Variants in FAT3 observed in about 807,000 individuals in gnomAD.
The protein encoded by FAT3 is protocadherin Fat 3.
In FAT3, 95 loss-of-function variants were observed where a neutral mutation model predicts 310.2. The observed-to-expected ratio is 0.31, with a 90% CI of 0.26 to 0.36. The LOEUF (loss-of-function observed/expected upper bound fraction) is 0.36. Among genes scored for constraint, FAT3 ranks in the 10% least tolerant of loss-of-function variants. The pLI is 1.00. For synonymous variants in FAT3, 2,314 were observed against 2,192.9 expected (o/e 1.06, Z -1.54); for missense variants, 5,408 against 5,715.6 (o/e 0.95, Z 1.74).
intron 3 of FAT3, among the ~76,000 whole-genome samples, chr11:92,623,362 T>C (rs1258040705): frequency 2.0e-5 from 3 of 152,196 alleles, no homozygotes; most frequent in Non-Finnish European, 4.4e-5. Context: ...TCTAATATCT[T>C]AATGTTCAAC....
intron 2 of FAT3, among the ~76,000 whole-genome samples, chr11:92,432,188 T>C (rs1950801622): frequency 1.3e-5 from 2 of 152,214 alleles, no homozygotes; most frequent in African/African-American, 4.8e-5. Context: ...CAGTGGTTTG[T>C]AGTTCTCCTT....
chr11:92,681,767 A>C (rs1425497835), intron 3 of FAT3, among the ~76,000 whole-genome samples: 1 of 152,174 alleles, frequency 6.6e-6, no homozygotes, highest in African/African-American at 2.4e-5. Context: ...TTGCTCCTAT[A>C]AGAGCTCAAC....
At position 92,272,573 on chromosome 11, in the gene FAT3, T is replaced by C. The variant is rs552842980; in HGVS notation, c.-18+47399T>C. ...GGCCAGTAGAAAGAAACAAGCAAAA[T>C]GTGATGGATATTTAAAGGGGGGAAA... is the stretch of plus-strand genomic sequence containing the variant. On this transcript the variant is annotated intron_variant, in intron 1 of 27. Coordinates refer to ENST00000525166, the MANE Select transcript of FAT3 (RefSeq NM_001367949.2). Among the ~76,000 whole-genome samples, 4 of 151,962 alleles carry C rather than the reference T, an allele frequency of 2.6e-5. No homozygotes were observed. In the South Asian group the frequency reaches 8.3e-4, roughly 32 times the overall value.
At chr11:92,742,639 A>G (rs572991912) in intron 4 of FAT3, among the ~76,000 whole-genome samples, 2 of 152,282 alleles carry the variant, frequency 1.3e-5, no homozygotes, top group East Asian at 3.9e-4. Context: ...AGGATAAGCT[A>G]TGCCTTCTTC....
chr11:92,324,016 CTT>C (rs1301043994), intron 1 of FAT3, among the ~76,000 whole-genome samples: 1 of 152,186 alleles, frequency 6.6e-6, no homozygotes, highest in Admixed American at 6.5e-5. Flanking sequence ...TAGCTTCGGA[CTT>C]TTCTTATGCA....
chr11:92,582,818 A>G (rs1012345883), intron 3 of FAT3, among the ~76,000 whole-genome samples: 8 of 152,036 alleles, frequency 5.3e-5, no homozygotes, highest in African/African-American at 1.9e-4. Context: ...GTCCTATCCA[A>G]TAGTTGGAAA....
intron 4 of FAT3, among the ~76,000 whole-genome samples, chr11:92,742,272 A>C (rs555696055): frequency 6.6e-6 from 1 of 152,230 alleles, no homozygotes; most frequent in African/African-American, 2.4e-5. Context: ...AAGGCATCAT[A>C]AAGGGACAAA....
chr11:92,446,587 A>G (rs986765889), intron 2 of FAT3, among the ~76,000 whole-genome samples: 1 of 152,132 alleles, frequency 6.6e-6, no homozygotes, highest in African/African-American at 2.4e-5. Flanking sequence ...TGAAATAAAC[A>G]TTTTTCAAGG....
intron 6 of FAT3, among the ~76,000 whole-genome samples, chr11:92,765,490 G>A (rs1264376351): frequency 1.3e-5 from 2 of 149,590 alleles, no homozygotes; most frequent in African/African-American, 2.5e-5. Flanking sequence ...TTCTGCTCCC[G>A]ACTGCCCTGC....
rs58384100 is a variant in FAT3, at chr11:92,492,241, TTCCATCCATCCATCCA to T, written c.3293-32359_3293-32344del. Reference sequence around the variant, plus strand: ...TGCTATTCATCAACTATATATATATTTCCATCCATCCATCCATCCATCCATCCATCCATCCATCCAT... The same window carrying T: ...TGCTATTCATCAACTATATATATATTTCCATCCATCCATCCATCCATCCAT... On this transcript the variant is annotated intron_variant, in intron 2 of 27. Coordinates refer to ENST00000525166, the MANE Select transcript of FAT3 (RefSeq NM_001367949.2). 1.6e-3 allele frequency among the ~76,000 whole-genome samples: 231 copies of T among 148,848 alleles called. 2 individuals are homozygous for T. The East Asian group carries it at 0.027, about 17-fold the overall frequency.
intron 1 of FAT3, among the ~76,000 whole-genome samples, chr11:92,295,226 A>G (rs1336357673): frequency 6.6e-6 from 1 of 152,136 alleles, no homozygotes; most frequent in African/African-American, 2.4e-5. Flanking sequence ...TTACCCTGGA[A>G]TGCATGTAGG....
At chr11:92,520,327 G>A (rs1953640657) in intron 2 of FAT3, among the ~76,000 whole-genome samples, 2 of 152,056 alleles carry the variant, frequency 1.3e-5, no homozygotes, top group South Asian at 4.1e-4. Context: ...TGGTTACCTG[G>A]GGGTAGAAAG....
intron 4 of FAT3, among the ~76,000 whole-genome samples, chr11:92,731,104 A>T (rs745853841): frequency 1.3e-5 from 2 of 152,228 alleles, no homozygotes; most frequent in Non-Finnish European, 2.9e-5. Flanking sequence ...CCTTCAGTCC[A>T]ACACCCTTTA....
intron 2 of FAT3, among the ~76,000 whole-genome samples, chr11:92,359,065 C>G (rs1948809797): frequency 6.6e-6 from 1 of 152,064 alleles, no homozygotes; most frequent in Non-Finnish European, 1.5e-5. Context: ...TGCAGATTCC[C>G]AGGCCAAATT....
At chr11:92,402,338 A>G (rs973613668) in intron 2 of FAT3, among the ~76,000 whole-genome samples, 1 of 152,180 alleles carries the variant, frequency 6.6e-6, no homozygotes, top group African/African-American at 2.4e-5. Flanking sequence ...CAGAAAATTC[A>G]AGAGCTGTGG....
intron 1 of FAT3, among the ~76,000 whole-genome samples, chr11:92,331,321 A>G (rs1200426124): frequency 6.6e-6 from 1 of 150,794 alleles, no homozygotes; most frequent in Non-Finnish European, 1.5e-5. Context: ...TTTCATGAAA[A>G]CCTCTCTGAG....
chr11:92,866,345 A>G (rs1010532133), intron 21 of FAT3, among the ~76,000 whole-genome samples: 3 of 152,206 alleles, frequency 2.0e-5, no homozygotes, highest in Non-Finnish European at 4.4e-5. Flanking sequence ...TAGATGTTCA[A>G]TAAATGCTAA....
chr11:92,721,273 G>T (rs577522493), intron 4 of FAT3, among the ~76,000 whole-genome samples: 37 of 152,256 alleles, frequency 2.4e-4, no homozygotes, highest in African/African-American at 8.9e-4. Flanking sequence ...ATTAGTAATA[G>T]AAAAAATGAA....
At chr11:92,829,297 C>T (rs1948179938) in intron 13 of FAT3, among the ~76,000 whole-genome samples, 1 of 152,242 alleles carries the variant, frequency 6.6e-6, no homozygotes, top group Non-Finnish European at 1.5e-5. Context: ...GCATGAATTT[C>T]ATGCCTGCAC....
Sources: allele counts gnomAD v4.1 joint callset (sites outside exome capture counted in the v4.1 genomes callset), GRCh38; gene constraint gnomAD v4.1.1; transcripts MANE v1.5; gene names NCBI Gene and HGNC (gene_info 2026-07-23, HGNC 2026-07-21).